The following CENPP variants were observed in gnomAD, a reference collection of about 807,000 sequenced individuals.
The protein encoded by CENPP is centromere protein P.
CENPP carries 24 observed loss-of-function variants against 35.6 expected under a neutral mutation model. That is an observed-to-expected ratio of 0.67 (90% CI 0.49 to 0.95). The LOEUF (loss-of-function observed/expected upper bound fraction) is 0.95. Ranked by LOEUF, CENPP falls within the 40% of genes least tolerant of loss-of-function variation. The probability of loss-of-function intolerance (pLI) is 0.00; values close to 1 mark genes in which losing one functional copy is unlikely to be tolerated. For missense variants in CENPP, 332 were observed against 345.3 expected (o/e 0.96, Z 0.31); for synonymous variants, 120 against 125.5 (o/e 0.96, Z 0.29).
At chr9:92,366,586 T>G (rs927984115) in intron 4 of CENPP, among the ~76,000 whole-genome samples, 23 of 152,352 alleles carry the variant, frequency 1.5e-4, no homozygotes, top group African/African-American at 5.3e-4. Context: ...ATGTGCCAGA[T>G]GCTTTCTTCA....
chr9:92,404,678 T>C (rs1843256241), intron 5 of CENPP: 1 of 1,246,748 alleles, frequency 8.0e-7, no homozygotes, highest in Non-Finnish European at 1.0e-6. Context: ...GCCAGCATTC[T>C]TTCTCTAGGG....
In CENPP at chr9:92,501,100, A is replaced by G. The variant is rs778108579; in HGVS notation, c.565-110214A>G. The G allele has an allele frequency of 3.4e-5, 53 of 1,568,700 alleles. No individual in the cohort carries two copies. The Middle Eastern group carries it at 7.7e-3, about 227-fold the overall frequency. The stretch of plus-strand genomic sequence containing the variant: ...ACAGGGTAGGGACATCAGGATGGTG[A>G]TCATCAGCTCTAAATTTTGATAAGG... On this transcript the variant is annotated intron_variant, in intron 5 of 7. Coordinates refer to ENST00000375587, the MANE Select transcript of CENPP (RefSeq NM_001012267.3).
chr9:92,457,583 T>C, intron 5 of CENPP: 1 of 854,658 alleles, frequency 1.2e-6, no homozygotes, highest in Non-Finnish European at 1.8e-6. Flanking sequence ...TATTCATCTG[T>C]TTATTTTACA....
At chr9:92,330,349 A>G (rs1179890018) in intron 1 of CENPP, among the ~76,000 whole-genome samples, 1 of 152,236 alleles carries the variant, frequency 6.6e-6, no homozygotes, top group Non-Finnish European at 1.5e-5. Context: ...TTAGAGGTAT[A>G]TTTTAAGAGT....
chr9:92,420,818 T>C (rs1843769070), intron 5 of CENPP, among the ~76,000 whole-genome samples: 1 of 152,294 alleles, frequency 6.6e-6, no homozygotes, highest in Admixed American at 6.5e-5. Context: ...AACTCTATAT[T>C]ACATCCATTT....
intron 5 of CENPP, among the ~76,000 whole-genome samples, chr9:92,540,409 G>C (rs1849289832): frequency 6.8e-6 from 1 of 148,108 alleles, no homozygotes; most frequent in Non-Finnish European, 1.5e-5. Context: ...CTGCACTCCA[G>C]CCTGGACGAC....
At chr9:92,404,594 T>C in intron 5 of CENPP, 1 of 1,291,810 alleles carries the variant, frequency 7.7e-7, no homozygotes, top group Non-Finnish European at 1.0e-6. Flanking sequence ...AAGCTATGTC[T>C]TGATTTCAAA....
chr9:92,417,312 G>A lies in CENPP; in HGVS notation c.564+37453G>A, dbSNP rs757541201. 10 of 1,614,060 alleles carry A rather than the reference G, an allele frequency of 6.2e-6. No individual in the cohort carries two copies. In the East Asian group the frequency reaches 2.0e-4, roughly 32 times the overall value. On this transcript the variant is annotated intron_variant, in intron 5 of 7. Transcript: ENST00000375587. ...ATCGGAATATTTGGGATAGTCTTGA[G>A]TTTGCGATTATCACAGTACATTGAT...
At chr9:92,575,495 G>A (rs768379994) in intron 5 of CENPP, among the ~76,000 whole-genome samples, 6 of 152,154 alleles carry the variant, frequency 3.9e-5, no homozygotes, top group African/African-American at 1.2e-4. Context: ...AATACAGTGA[G>A]ATACCACCTC....
chr9:92,503,277 T>C (rs1846798740), intron 5 of CENPP, among the ~76,000 whole-genome samples: 1 of 152,198 alleles, frequency 6.6e-6, no homozygotes. Flanking sequence ...TTAAAAACTC[T>C]GAAAAGTAGA....
At chr9:92,567,194 A>T (rs1849986844) in intron 5 of CENPP, among the ~76,000 whole-genome samples, 1 of 152,120 alleles carries the variant, frequency 6.6e-6, no homozygotes, top group Non-Finnish European at 1.5e-5. Flanking sequence ...ACAGCAACTC[A>T]AAACAACGTG....
rs753379711 is a variant in CENPP, at chr9:92,616,003, C to A, written c.*2854C>A. 2 of 1,614,188 alleles carry A rather than the reference C, an allele frequency of 1.2e-6. No homozygotes were observed. The highest frequency in any genetic ancestry group is 1.7e-6 in the Non-Finnish European group (2 of 1,180,040). On this transcript the variant is annotated 3_prime_UTR_variant, in exon 8 of 8. Coordinates refer to ENST00000375587, the MANE Select transcript of CENPP (RefSeq NM_001012267.3). The stretch of plus-strand genomic sequence containing the variant: ...GCTTGAGGTCAAGGTCCAGCACAGA[C>A]ACGGAAAAGGCAAACCTGGACCTCG...
chr9:92,396,887 G>A (rs1196517512), intron 5 of CENPP, among the ~76,000 whole-genome samples: 2 of 151,996 alleles, frequency 1.3e-5, no homozygotes, highest in Non-Finnish European at 2.9e-5. Context: ...AAAACATTTT[G>A]TCAGGAGACT....
rs1278422260 is a variant in CENPP at position 92,614,114 on chromosome 9, C to T, written c.*965C>T. ...TGTTTTCATCGTGTCTAGTCCAGCC[C>T]TGTCTGGGCCCTGTGCTAGGCAATA... is the stretch of plus-strand genomic sequence containing the variant. On this transcript the variant is annotated 3_prime_UTR_variant, in exon 8 of 8. Transcript: ENST00000375587. The T allele has an allele frequency of 1.3e-5, 2 of 152,326 alleles. No homozygotes were observed. Among genetic ancestry groups the T allele is most frequent in the East Asian group, 3.8e-4 (2 of 5,204 alleles). 9.4% of individuals were successfully genotyped at this position (152,326 alleles called of 1,614,324 possible).
chr9:92,609,424 G>A (rs557915976), intron 5 of CENPP, among the ~76,000 whole-genome samples: 65 of 152,376 alleles, frequency 4.3e-4, no homozygotes, highest in African/African-American at 1.5e-3. Flanking sequence ...GTTCCAGCCT[G>A]CTCCCTTGCC....
At chr9:92,363,958 CCCA>C (rs2130838979) in intron 4 of CENPP, among the ~76,000 whole-genome samples, 1 of 152,050 alleles carries the variant, frequency 6.6e-6, no homozygotes, top group Non-Finnish European at 1.5e-5. Flanking sequence ...AAGTGGTCCT[CCCA>C]CCTCAGCCTC....
rs557040581 is a variant in CENPP at position 92,333,300 on chromosome 9, A to G, written c.289+949A>G. ...GGAGAGGGTCTTGGGCAGCCACTGC[A>G]GGGAGACTGAATTACATGTAGAAAC... On this transcript the variant is annotated intron_variant, in intron 2 of 7. Coordinates refer to ENST00000375587, the MANE Select transcript of CENPP (RefSeq NM_001012267.3). Among the ~76,000 whole-genome samples, 400 of 152,374 alleles carry G rather than the reference A, an allele frequency of 2.6e-3. 1 individual carries two copies. Among genetic ancestry groups the G allele is most frequent in the Non-Finnish European group, 4.5e-3 (304 of 68,030 alleles).
intron 4 of CENPP, among the ~76,000 whole-genome samples, chr9:92,368,550 G>A (rs1390016236): frequency 6.6e-6 from 1 of 152,146 alleles, no homozygotes. Flanking sequence ...ATTTCATGAG[G>A]TCTCTCTGGG....
intron 5 of CENPP, among the ~76,000 whole-genome samples, chr9:92,574,826 G>A (rs987322307): frequency 6.6e-6 from 1 of 152,160 alleles, no homozygotes; most frequent in Admixed American, 6.5e-5. Context: ...TTACTACAAA[G>A]CTACAATAAT....
Sources: allele counts gnomAD v4.1 joint callset (sites outside exome capture counted in the v4.1 genomes callset), GRCh38; gene constraint gnomAD v4.1.1; transcripts MANE v1.5; gene names NCBI Gene and HGNC (gene_info 2026-07-23, HGNC 2026-07-21).